Variants in WDR70 observed in about 807,000 individuals in gnomAD.
WDR70 encodes WD repeat domain 70.
WDR70 carries 53 observed loss-of-function variants against 88.6 expected under a neutral mutation model. The observed-to-expected ratio is 0.60, with a 90% confidence interval of 0.48 to 0.75. WDR70 has a LOEUF of 0.75. WDR70 is among the 30% of genes least tolerant of loss of function. The pLI is 0.00. For missense variants in WDR70, 610 were observed against 823.2 expected, an observed-to-expected ratio of 0.74 and a Z score of 3.17; for synonymous variants, 280 against 270.0, an observed-to-expected ratio of 1.04 and a Z score of -0.36.
intron 7 of WDR70, among the ~76,000 whole-genome samples, chr5:37,478,500 G>A (rs1261771070): frequency 1.3e-5 from 2 of 152,196 alleles, no homozygotes; most frequent in Non-Finnish European, 1.5e-5. Context: ...TGAAATGTCT[G>A]TATTTGCATG....
chr5:37,728,364 C>CA lies in WDR70; in HGVS notation c.1877+1331dup, dbSNP rs5867361. Among the ~76,000 whole-genome samples, 317 of 134,324 alleles carry CA rather than the reference C, an allele frequency of 2.4e-3. 1 individual carries two copies. The highest frequency in any genetic ancestry group is 8.4e-3 in the African/African-American group (284 of 33,882). The allele number at this position is 134,324 out of a possible 152,430, so 88.1% of individuals were successfully genotyped here. A position where few individuals can be genotyped will look rare whatever the true frequency, so the allele number is the denominator to read the frequency against. The stretch of plus-strand genomic sequence containing the variant: ...CCTTGCCTCCAAAAAAAAAAAAAAA[C>CA]AAAAAAAAAAAACAAACTAAAACTA... On this transcript the variant is annotated intron_variant, in intron 17 of 17. Coordinates refer to ENST00000265107, the MANE Select transcript of WDR70 (RefSeq NM_018034.4).
chr5:37,673,306 T>G (rs940090278), intron 10 of WDR70, among the ~76,000 whole-genome samples: 3 of 152,180 alleles, frequency 2.0e-5, no homozygotes, highest in African/African-American at 7.2e-5. Flanking sequence ...CTACTATTGA[T>G]GAGCTTTTAG....
chr5:37,401,430 C>T (rs1749190744), intron 5 of WDR70, among the ~76,000 whole-genome samples: 1 of 151,846 alleles, frequency 6.6e-6, no homozygotes, highest in Admixed American at 6.6e-5. Context: ...ATTCTCCTGC[C>T]TCAGCCTCCT....
chr5:37,598,721 A>G (rs1440594138), intron 9 of WDR70, among the ~76,000 whole-genome samples: 2 of 152,206 alleles, frequency 1.3e-5, no homozygotes, highest in Admixed American at 1.3e-4. Flanking sequence ...AGGCCATTAG[A>G]TATCTGTCAA....
chr5:37,696,663 G>A (rs1746991402), intron 10 of WDR70, among the ~76,000 whole-genome samples: 1 of 142,646 alleles, frequency 7.0e-6, no homozygotes, highest in Non-Finnish European at 1.6e-5. Context: ...GGGTACACAG[G>A]TACACACACA....
intron 8 of WDR70, among the ~76,000 whole-genome samples, chr5:37,496,045 G>T (rs537979445): frequency 6.6e-6 from 1 of 152,126 alleles, no homozygotes; most frequent in Non-Finnish European, 1.5e-5. Context: ...TTTCTGGGTC[G>T]GGTGGGGACT....
At chr5:37,502,640 C>T (rs895715163) in intron 8 of WDR70, among the ~76,000 whole-genome samples, 1 of 152,020 alleles carries the variant, frequency 6.6e-6, no homozygotes, top group Admixed American at 6.6e-5. Context: ...AAAAGAAATA[C>T]CTGAGACTGG....
intron 17 of WDR70, among the ~76,000 whole-genome samples, chr5:37,749,557 T>TTCTTAAAA (rs1748739376): frequency 6.7e-6 from 1 of 148,992 alleles, no homozygotes; most frequent in Non-Finnish European, 1.5e-5. Context: ...TGTTTTTTTT[T>TTCTTAAAA]AAGAAGAAAA....
At chr5:37,706,005 C>T (rs750960198) in intron 13 of WDR70, among the ~76,000 whole-genome samples, 1 of 152,228 alleles carries the variant, frequency 6.6e-6, no homozygotes, top group Non-Finnish European at 1.5e-5. Context: ...TGGAGCCAAA[C>T]ATTGTTTTCA....
chr5:37,621,550 G>C (rs10055301), intron 10 of WDR70, among the ~76,000 whole-genome samples: 16,316 of 151,994 alleles, frequency 0.11, 2,809 homozygotes, highest in African/African-American at 0.37. Context: ...CTGTTCATAT[G>C]CTTTGCCCAC....
At chr5:37,540,731 A>T (rs1741792563) in intron 9 of WDR70, among the ~76,000 whole-genome samples, 2 of 152,220 alleles carry the variant, frequency 1.3e-5, no homozygotes, top group South Asian at 4.1e-4. Context: ...CTTATTTCCC[A>T]TAATTTTAAA....
intron 9 of WDR70, among the ~76,000 whole-genome samples, chr5:37,595,589 C>G (rs913687728): frequency 3.3e-5 from 5 of 152,090 alleles, no homozygotes; most frequent in African/African-American, 9.7e-5. Context: ...ATTGGATAAG[C>G]TGGTTCTAAA....
intron 12 of WDR70, 143 bp from the exon 13 acceptor site, chr5:37,702,806 A>G: frequency 1.3e-6 from 1 of 765,192 alleles, no homozygotes; most frequent in Non-Finnish European, 1.9e-6. Context: ...TATTGTGACG[A>G]TTAAACAAAT....
intron 9 of WDR70, among the ~76,000 whole-genome samples, chr5:37,561,403 G>A (rs1742500092): frequency 6.6e-6 from 1 of 152,094 alleles, no homozygotes; most frequent in Non-Finnish European, 1.5e-5. Flanking sequence ...CTTCCTCATC[G>A]ATATCACAGA....
intron 8 of WDR70, among the ~76,000 whole-genome samples, chr5:37,515,947 A>G (rs1182077779): frequency 3.3e-5 from 5 of 152,178 alleles, no homozygotes; most frequent in African/African-American, 4.8e-5. Context: ...TAGTGTTTTT[A>G]TATTCTCTAT....
At chr5:37,578,933 G>C (rs545435135) in intron 9 of WDR70, among the ~76,000 whole-genome samples, 1 of 152,120 alleles carries the variant, frequency 6.6e-6, no homozygotes, top group African/African-American at 2.4e-5. Flanking sequence ...ACTTTTTTGA[G>C]ATTTTAATTT....
chr5:37,700,430 G>A (rs1253260389), intron 11 of WDR70: 1 of 152,252 alleles, frequency 6.6e-6, no homozygotes, highest in Non-Finnish European at 1.5e-5. Context: ...TGCTGCCAAA[G>A]CGAACACAAA....
intron 9 of WDR70, among the ~76,000 whole-genome samples, chr5:37,531,890 G>C (rs1481839039): frequency 6.6e-6 from 1 of 151,360 alleles, no homozygotes; most frequent in Non-Finnish European, 1.5e-5. Flanking sequence ...CTATTTTGTT[G>C]TATTCTGAGG....
chr5:37,496,154 A>G (rs1423741786), intron 8 of WDR70, among the ~76,000 whole-genome samples: 1 of 152,208 alleles, frequency 6.6e-6, no homozygotes, highest in Non-Finnish European at 1.5e-5. Context: ...CTCTGTAAAA[A>G]TGGACCAATC....
Sources: gnomAD v4.1 joint callset for allele counts (sites outside exome capture counted in the v4.1 genomes callset) on GRCh38, gnomAD v4.1.1 for gene constraint, MANE v1.5 for transcripts, NCBI Gene and HGNC (gene_info 2026-07-23, HGNC 2026-07-21) for gene names.